The following CDKL4 variants were observed in gnomAD, a reference collection of about 807,000 sequenced individuals.
The protein encoded by CDKL4 is cyclin-dependent kinase-like 4.
In CDKL4, 44 loss-of-function variants were observed where a neutral mutation model predicts 42.0. That is an observed-to-expected ratio of 1.05 (90% confidence interval 0.82 to 1.35). The LOEUF is 1.35. Ranked by LOEUF, CDKL4 falls within the 40% of genes most tolerant of loss-of-function variation. The pLI is 0.00. For synonymous variants in CDKL4, 120 were observed against 121.6 expected (o/e 0.99, Z 0.09); for missense variants, 393 against 369.9 (o/e 1.06, Z -0.51).
chr2:39,201,550 A>T (rs568606014), intron 5 of CDKL4, among the ~76,000 whole-genome samples: 66 of 152,292 alleles, frequency 4.3e-4, no homozygotes, highest in African/African-American at 1.6e-3. Flanking sequence ...TTGCAATTGA[A>T]AAAATATGGA....
chr2:39,206,664 C>T (rs72927490), intron 4 of CDKL4, among the ~76,000 whole-genome samples: 2,016 of 152,308 alleles, frequency 0.013, 30 homozygotes, highest in African/African-American at 0.046. Flanking sequence ...CACAACTGGG[C>T]CCTCACAGGG....
chr2:39,229,253 C>G (rs926630161), intron 2 of CDKL4, 112 bp downstream of exon 2: 10 of 768,220 alleles, frequency 1.3e-5, no homozygotes, highest in Admixed American at 3.1e-5. Flanking sequence ...GGTGCTGATA[C>G]AAAGGAATTT....
intron 9 of CDKL4, among the ~76,000 whole-genome samples, chr2:39,177,664 A>C (rs549969909): frequency 6.8e-6 from 1 of 147,126 alleles, no homozygotes; most frequent in Admixed American, 6.9e-5. Context: ...CGGCCTCCCA[A>C]AGTGCTGGGA....
intron 3 of CDKL4, among the ~76,000 whole-genome samples, chr2:39,217,267 C>T (rs1283408378): frequency 6.6e-6 from 1 of 152,100 alleles, no homozygotes; most frequent in East Asian, 1.9e-4. Flanking sequence ...AGGTTCTTGC[C>T]ACTGAAAGTA....
intron 1 of CDKL4, among the ~76,000 whole-genome samples, chr2:39,234,329 A>T (rs1472456766): frequency 1.3e-5 from 2 of 152,220 alleles, no homozygotes; most frequent in African/African-American, 2.4e-5. Flanking sequence ...TCATCTCAGA[A>T]ATGACTAAAT....
intron 3 of CDKL4, among the ~76,000 whole-genome samples, chr2:39,223,581 CT>C (rs59461223): frequency 1.7e-3 from 144 of 83,448 alleles, no homozygotes; most frequent in Non-Finnish European, 2.2e-3. Flanking sequence ...ATTTCCTTCT[CT>C]TTTTTTTTTT....
At chr2:39,230,068 TGAA>T (rs1679003622) in intron 1 of CDKL4, among the ~76,000 whole-genome samples, 1 of 152,190 alleles carries the variant, frequency 6.6e-6, no homozygotes, top group Non-Finnish European at 1.5e-5. Context: ...CGTGGGCCAT[TGAA>T]CAAAGCAGTC....
At chr2:39,222,902 T>C (rs1558577538) in intron 3 of CDKL4, among the ~76,000 whole-genome samples, 1 of 152,166 alleles carries the variant, frequency 6.6e-6, no homozygotes, top group East Asian at 1.9e-4. Flanking sequence ...ACATACAACA[T>C]CCTATTTAGT....
In CDKL4 at chr2:39,180,643, C is replaced by T. The variant is rs113037170; in HGVS notation, c.793-1322G>A. Among the ~76,000 whole-genome samples, 165 of 152,184 alleles carry T rather than the reference C, an allele frequency of 1.1e-3. 3 individuals carry two copies. The highest frequency in any genetic ancestry group is 3.8e-3 in the African/African-American group (159 of 41,510). On this transcript the variant is annotated intron_variant, in intron 8 of 9. Transcript: ENST00000451199. ...CAGCTGCTGCTGGAAAAACATTCTC[C>T]TCAAATCCTAGTACTGTTAGGGCTA...
intron 1 of CDKL4, among the ~76,000 whole-genome samples, chr2:39,243,428 A>G (rs1679763143): frequency 6.6e-6 from 1 of 152,256 alleles, no homozygotes; most frequent in South Asian, 2.1e-4. Context: ...GAAAACCAGA[A>G]TACCACATAA....
intron 8 of CDKL4, among the ~76,000 whole-genome samples, chr2:39,183,972 G>C (rs1675584838): frequency 1.3e-5 from 2 of 152,182 alleles, no homozygotes; most frequent in African/African-American, 4.8e-5. Flanking sequence ...CTCAAACTGA[G>C]CTGTTTATCA....
At chr2:39,176,487 T>C (rs1675171722) in intron 9 of CDKL4, among the ~76,000 whole-genome samples, 1 of 152,180 alleles carries the variant, frequency 6.6e-6, no homozygotes, top group African/African-American at 2.4e-5. Context: ...CAGGCTGGAG[T>C]GCAATGGTGC....
chr2:39,200,845 G>A (rs1676799778), intron 5 of CDKL4, among the ~76,000 whole-genome samples: 1 of 152,112 alleles, frequency 6.6e-6, no homozygotes, highest in Admixed American at 6.5e-5. Flanking sequence ...ATCTCAAGAT[G>A]GATCAAAGAC....
exon 3 of CDKL4, chr2:39,225,902 A>C (rs768258427): frequency 3.7e-6 from 6 of 1,611,594 alleles, no homozygotes; most frequent in Non-Finnish European, 5.1e-6. Flanking sequence ...AACTAAATGC[A>C]TTTTCCTTTT....
At chr2:39,226,456 T>TTATATATATTATATATA (rs1396098912) in intron 2 of CDKL4, among the ~76,000 whole-genome samples, 137 of 137,416 alleles carry the variant, frequency 1.0e-3, no homozygotes, top group South Asian at 1.9e-3. Context: ...TATATATATA[T>TTATATATATTATATATA]TATATATATT....
chr2:39,190,483 G>C lies in CDKL4; in HGVS notation c.474C>G (p.Thr158=), dbSNP rs56049461. ...GGTACCATCTCGTAGCTACATAATC[G>C]GTGTAGGCATCTCCTGGAACTGCAA... is the stretch of plus-strand genomic sequence containing the variant. The change falls in exon 6 of 10, where the codon ACC becomes ACG. Residue 158 remains threonine, a synonymous_variant. Transcript: ENST00000451199. 3.2e-4 allele frequency: 514 copies of C among 1,613,964 alleles called. 1 individual carries two copies. The highest frequency in any genetic ancestry group is 2.4e-3 in the South Asian group (217 of 91,066).
At chr2:39,206,634 A>T (rs2148338704) in intron 4 of CDKL4, among the ~76,000 whole-genome samples, 2 of 152,326 alleles carry the variant, frequency 1.3e-5, no homozygotes, top group South Asian at 4.1e-4. Context: ...AAGAAAATGG[A>T]TGAAAATAAT....
intron 1 of CDKL4, 142 bp from the exon 2 acceptor site, chr2:39,229,730 T>A (rs1678977487): frequency 2.2e-6 from 1 of 450,320 alleles, no homozygotes. Flanking sequence ...TGGATATTAT[T>A]TTGTTAGTTT....
At chr2:39,171,140 G>A (rs1431987204), downstream of CDKL4, among the ~76,000 whole-genome samples, 1 of 151,900 alleles carries the variant, frequency 6.6e-6, no homozygotes, top group Non-Finnish European at 1.5e-5. Flanking sequence ...TCGGGAGGCT[G>A]AGGCAGGAGG....
Sources: gnomAD v4.1 joint callset for allele counts (sites outside exome capture counted in the v4.1 genomes callset) on GRCh38, gnomAD v4.1.1 for gene constraint, MANE v1.5 for transcripts, NCBI Gene and HGNC (gene_info 2026-07-23, HGNC 2026-07-21) for gene names.